Variants in HSPA12A observed in about 807,000 individuals in gnomAD.
HSPA12A encodes the protein heat shock protein family A (Hsp70) member 12A.
HSPA12A carries 28 observed loss-of-function variants against 69.2 expected under a neutral mutation model. The observed-to-expected ratio is 0.40, with a 90% CI of 0.30 to 0.55. HSPA12A has a LOEUF of 0.55. Ranked by LOEUF, HSPA12A falls within the 20% of genes least tolerant of loss-of-function variation. The pLI is 0.38. For synonymous variants in HSPA12A, 345 were observed against 370.5 expected, an observed-to-expected ratio of 0.93 and a Z score of 0.79; for missense variants, 686 against 900.7, an observed-to-expected ratio of 0.76 and a Z score of 3.05.
At chr10:116,729,880 A>G (rs1447191345) in intron 1 of HSPA12A, among the ~76,000 whole-genome samples, 2 of 152,194 alleles carry the variant, frequency 1.3e-5, no homozygotes, top group Non-Finnish European at 1.5e-5. Flanking sequence ...CCACTCCCTA[A>G]TATCAACCTT....
intron 4 of HSPA12A, 30 bp downstream of exon 4, chr10:116,700,913 G>C (rs533747145): frequency 1.9e-6 from 3 of 1,605,558 alleles, no homozygotes; most frequent in Non-Finnish European, 2.6e-6. Context: ...CATTGCGGGG[G>C]ACCTGGGCCC....
At chr10:116,801,481 G>C (rs1230057964) in intron 2 of HSPA12A, among the ~76,000 whole-genome samples, 1 of 152,140 alleles carries the variant, frequency 6.6e-6, no homozygotes, top group African/African-American at 2.4e-5. Context: ...TCCCGAGGGG[G>C]TTCACAGGGA....
intron 1 of HSPA12A, among the ~76,000 whole-genome samples, chr10:116,847,987 C>G (rs1845925242): frequency 6.6e-6 from 1 of 152,154 alleles, no homozygotes; most frequent in Non-Finnish European, 1.5e-5. Flanking sequence ...ATGTGGGACT[C>G]AACCCAGGCA....
At position 116,724,874 on chromosome 10, in the gene HSPA12A, C is replaced by T. The variant is rs563879413; in HGVS notation, c.40+17556G>A. 2.0e-5 allele frequency among the ~76,000 whole-genome samples: 3 copies of T among 152,264 alleles called. No individual in the cohort carries two copies. In the South Asian group the frequency reaches 6.2e-4, roughly 32 times the overall value. ...TCCTCAGTCTCCTGAATCAGGACCCCCAGTCTCTAACAGCTCCCAGTGACC... is the reference window on the plus strand; with the variant it reads ...TCCTCAGTCTCCTGAATCAGGACCCTCAGTCTCTAACAGCTCCCAGTGACC... On this transcript the variant is annotated intron_variant, in intron 1 of 11. Coordinates refer to ENST00000369209, the MANE Select transcript of HSPA12A (RefSeq NM_025015.3).
At chr10:116,764,786 A>G (rs1844042748) in intron 2 of HSPA12A, among the ~76,000 whole-genome samples, 1 of 152,228 alleles carries the variant, frequency 6.6e-6, no homozygotes, top group East Asian at 1.9e-4. Flanking sequence ...AATAAACCTT[A>G]CTATCCATCA....
At chr10:116,699,303 C>T (rs1554881308) in intron 4 of HSPA12A, among the ~76,000 whole-genome samples, 1 of 152,166 alleles carries the variant, frequency 6.6e-6, no homozygotes, top group Non-Finnish European at 1.5e-5. Context: ...CCTCTCTCCA[C>T]CAAAAGTGAA....
intron 1 of HSPA12A, among the ~76,000 whole-genome samples, chr10:116,721,634 C>G (rs1850780190): frequency 2.0e-5 from 3 of 152,160 alleles, no homozygotes; most frequent in African/African-American, 7.2e-5. Context: ...TAAGAGCAAA[C>G]AAACTACAAA....
intron 1 of HSPA12A, among the ~76,000 whole-genome samples, chr10:116,713,357 G>T (rs1850503910): frequency 6.6e-6 from 1 of 152,086 alleles, no homozygotes; most frequent in Non-Finnish European, 1.5e-5. Flanking sequence ...TTATTGGCAT[G>T]AACCAGGAGA....
intron 1 of HSPA12A, among the ~76,000 whole-genome samples, chr10:116,719,405 C>G (rs1268516513): frequency 6.6e-6 from 1 of 152,216 alleles, no homozygotes; most frequent in Non-Finnish European, 1.5e-5. Context: ...CACACAGATG[C>G]AGCCACCACC....
intron 2 of HSPA12A, among the ~76,000 whole-genome samples, chr10:116,705,491 G>A (rs1850216046): frequency 6.6e-6 from 1 of 152,234 alleles, no homozygotes; most frequent in African/African-American, 2.4e-5. Context: ...ATCCCTGAGT[G>A]GAGGGCCAGG....
intron 2 of HSPA12A, among the ~76,000 whole-genome samples, chr10:116,789,232 A>G (rs927391539): frequency 1.3e-5 from 2 of 152,206 alleles, no homozygotes; most frequent in Non-Finnish European, 2.9e-5. Context: ...ATCGCAAAAT[A>G]AAATTACATT....
chr10:116,700,906 T>G, intron 4 of HSPA12A, 37 bp downstream of exon 4: 2 of 1,600,346 alleles, frequency 1.2e-6, no homozygotes, highest in South Asian at 2.2e-5. Flanking sequence ...GGCACTCCAT[T>G]GCGGGGGACC....
At chr10:116,747,746 C>T (rs1232450329) in intron 2 of HSPA12A, among the ~76,000 whole-genome samples, 2 of 152,130 alleles carry the variant, frequency 1.3e-5, no homozygotes, top group Non-Finnish European at 2.9e-5. Flanking sequence ...TGCCTGTAAT[C>T]GCAGCATTTG....
chr10:116,695,900 G>C (rs1169651883), intron 5 of HSPA12A, among the ~76,000 whole-genome samples: 1 of 150,426 alleles, frequency 6.6e-6, no homozygotes, highest in South Asian at 2.1e-4. Context: ...CTACTTGGGA[G>C]GCTGAGGCAA....
chr10:116,700,454 C>T (rs1383882414), intron 4 of HSPA12A, among the ~76,000 whole-genome samples: 1 of 152,094 alleles, frequency 6.6e-6, no homozygotes, highest in Non-Finnish European at 1.5e-5. Flanking sequence ...CCTGAGCTCC[C>T]CCTCCCCACA....
rs782702268 is a variant in HSPA12A, at chr10:116,675,053, G to A, written c.1756C>T (p.Arg586Cys). The A allele has an allele frequency of 1.2e-5, 20 of 1,613,890 alleles. No individual in the cohort carries two copies. Among genetic ancestry groups the A allele is most frequent in the Non-Finnish European group, 1.0e-5 (12 of 1,180,012 alleles). The change falls in exon 12 of 12, where the codon CGT becomes TGT. Residue 586 changes from arginine to cysteine, a missense_variant. Physicochemically the swap from Arg to Cys is radical, Grantham distance 180. Coordinates refer to ENST00000369209, the MANE Select transcript of HSPA12A (RefSeq NM_025015.3). The surrounding 1 kb of genome is among the most constrained non-coding windows in gnomAD (Gnocchi z 5.2). The stretch of plus-strand genomic sequence containing the variant: ...GAGGGCTTGGCCGGGGTGTAGCTAC[G>A]CTTGACCAGCTCACCCAGAGCCACA... Reference protein sequence around the residue: ...QSVALGELVKRSYTPAKPSQL... With the variant: ...QSVALGELVKCSYTPAKPSQL...
In HSPA12A at chr10:116,701,047, T is replaced by A. The variant is rs1850065371; in HGVS notation, c.337A>T (p.Ser113Cys). 1 of 1,614,012 alleles carries A rather than the reference T, an allele frequency of 6.2e-7. No homozygotes were observed. The highest frequency in any genetic ancestry group is 1.7e-5 in the Admixed American group (1 of 59,994). ...ILLTPERKFH[S>C]FGYAARDFYH... The stretch of plus-strand genomic sequence containing the variant: ...AAGTCCCTGGCGGCATACCCGAAGC[T>A]GTGGAACTTCCTCTCGGGAGTCAGC... The change falls in exon 4 of 12, where the codon AGC becomes TGC. Residue 113 changes from serine to cysteine, a missense_variant. Coordinates refer to ENST00000369209, the MANE Select transcript of HSPA12A (RefSeq NM_025015.3).
chr10:116,742,005 C>T (rs1289715602), intron 1 of HSPA12A, among the ~76,000 whole-genome samples: 7 of 152,166 alleles, frequency 4.6e-5, no homozygotes, highest in African/African-American at 1.7e-4. Context: ...ACGAAAATTA[C>T]CCGCTGGGGC....
At chr10:116,719,210 C>T (rs1485579681) in intron 1 of HSPA12A, among the ~76,000 whole-genome samples, 2 of 152,228 alleles carry the variant, frequency 1.3e-5, no homozygotes, top group Non-Finnish European at 2.9e-5. Context: ...GGCAAGCCTC[C>T]TCCCGCTGCC....
Sources: allele counts gnomAD v4.1 joint callset (sites outside exome capture counted in the v4.1 genomes callset), GRCh38; gene constraint gnomAD v4.1.1; non-coding constraint Gnocchi (gnomAD v3.1); transcripts MANE v1.5; gene names NCBI Gene and HGNC (gene_info 2026-07-23, HGNC 2026-07-21).